RERE: variants seen among roughly 807,000 people sequenced by gnomAD.
RERE encodes the protein arginine-glutamic acid dipeptide repeats protein.
Under a neutral mutation model 146.1 loss-of-function variants are expected in RERE, and 40 were observed. The observed-to-expected ratio is 0.27, with a 90% CI of 0.21 to 0.36. The LOEUF (loss-of-function observed/expected upper bound fraction) is 0.36, where lower values mean the gene tolerates loss of function less well. Among genes scored for constraint, RERE ranks in the 10% least tolerant of loss-of-function variants. The pLI is 1.00. For synonymous variants in RERE, 1,003 were observed against 866.0 expected, an observed-to-expected ratio of 1.16 and a Z score of -2.78; for missense variants, 1,933 against 2,138.7, an observed-to-expected ratio of 0.90 and a Z score of 1.90.
At chr1:8,608,674 A>C (rs566651296) in intron 4 of RERE, among the ~76,000 whole-genome samples, 16 of 152,400 alleles carry the variant, frequency 1.0e-4, no homozygotes, top group Admixed American at 3.3e-4. Context: ...TGGAAACAAA[A>C]AGGCATTTAA....
chr1:8,510,561 C>A (rs190775195), intron 7 of RERE, among the ~76,000 whole-genome samples: 1 of 152,324 alleles, frequency 6.6e-6, no homozygotes, highest in East Asian at 1.9e-4. Flanking sequence ...GGAATCAAAT[C>A]AGCCACAAGT....
At chr1:8,647,643 G>GTA (rs1647385140) in intron 2 of RERE, among the ~76,000 whole-genome samples, 2 of 12,236 alleles carry the variant, frequency 1.6e-4, no homozygotes, top group Non-Finnish European at 5.0e-4. Flanking sequence ...AAATATGTAT[G>GTA]TGTGTGTGTG....
At chr1:8,445,125 G>T (rs1348647708) in intron 11 of RERE, among the ~76,000 whole-genome samples, 1 of 152,148 alleles carries the variant, frequency 6.6e-6, no homozygotes, top group African/African-American at 2.4e-5. Flanking sequence ...GCTTCATAGG[G>T]ATAAAATATT....
chr1:8,542,926 G>A (rs1645816610), intron 6 of RERE, among the ~76,000 whole-genome samples: 1 of 152,138 alleles, frequency 6.6e-6, no homozygotes, highest in Non-Finnish European at 1.5e-5. Context: ...AAGTATTCCA[G>A]GGTTACTGAG....
At chr1:8,761,920 C>G (rs1293018359) in intron 1 of RERE, among the ~76,000 whole-genome samples, 4 of 151,862 alleles carry the variant, frequency 2.6e-5, no homozygotes, top group Non-Finnish European at 4.4e-5. Context: ...GAAACTCTGT[C>G]TCAAAAAAAA....
intron 4 of RERE, among the ~76,000 whole-genome samples, chr1:8,592,354 C>T (rs1045862406): frequency 1.3e-5 from 2 of 152,052 alleles, no homozygotes; most frequent in South Asian, 4.1e-4. Flanking sequence ...ACTGCAGTCT[C>T]GACCTCCCCA....
intron 1 of RERE, among the ~76,000 whole-genome samples, chr1:8,679,808 C>CT (rs1382165317): frequency 6.6e-6 from 1 of 152,174 alleles, no homozygotes; most frequent in Admixed American, 6.5e-5. Flanking sequence ...TTTTCAATCA[C>CT]TTATTTTTCA....
chr1:8,564,884 A>ATAT, intron 4 of RERE, among the ~76,000 whole-genome samples: 2 of 122,564 alleles, frequency 1.6e-5, no homozygotes, highest in Non-Finnish European at 3.7e-5. Flanking sequence ...ATATATATAT[A>ATAT]AAACTACTAT....
intron 3 of RERE, among the ~76,000 whole-genome samples, chr1:8,622,501 A>AC (rs1373440182): frequency 7.4e-6 from 1 of 135,734 alleles, no homozygotes; most frequent in Non-Finnish European, 1.6e-5. Flanking sequence ...AAAAAAAAAA[A>AC]AAAAAAAAAA....
chr1:8,785,372 T>C (rs1025600342), intron 1 of RERE, among the ~76,000 whole-genome samples: 1 of 152,210 alleles, frequency 6.6e-6, no homozygotes, highest in African/African-American at 2.4e-5. Context: ...GAATTCAGCA[T>C]ATTACTTATC....
At chr1:8,537,137 G>A (rs1224268910) in intron 7 of RERE, among the ~76,000 whole-genome samples, 1 of 152,164 alleles carries the variant, frequency 6.6e-6, no homozygotes, top group Non-Finnish European at 1.5e-5. Context: ...CAGGTAAGTT[G>A]AGGCTGTGGT....
chr1:8,539,193 G>C (rs1461324572), intron 7 of RERE, among the ~76,000 whole-genome samples: 1 of 152,158 alleles, frequency 6.6e-6, no homozygotes, highest in Non-Finnish European at 1.5e-5. Flanking sequence ...TGTATCTAGA[G>C]AGAAATCCAA....
chr1:8,374,787 G>A (rs762502418), intron 12 of RERE, among the ~76,000 whole-genome samples: 3 of 152,116 alleles, frequency 2.0e-5, no homozygotes, highest in Non-Finnish European at 4.4e-5. Flanking sequence ...CCCGCCTCAC[G>A]GCCTTTGGCT....
chr1:8,791,055 C>G (rs1333954174), intron 1 of RERE, among the ~76,000 whole-genome samples: 1 of 152,158 alleles, frequency 6.6e-6, no homozygotes. Flanking sequence ...GACAACAAAA[C>G]ATACAGAAAG....
chr1:8,701,287 T>TAC (rs745905637), intron 1 of RERE, among the ~76,000 whole-genome samples: 10,868 of 93,570 alleles, frequency 0.12, 503 homozygotes, highest in Middle Eastern at 0.15. Flanking sequence ...GTGAGGGGAA[T>TAC]ACACACACAC....
intron 4 of RERE, among the ~76,000 whole-genome samples, chr1:8,582,356 G>A (rs1381302881): frequency 6.6e-6 from 1 of 150,980 alleles, no homozygotes. Context: ...GGGACTATAG[G>A]TGTGTATCAC....
chr1:8,398,812 C>T (rs1643146954), intron 12 of RERE, among the ~76,000 whole-genome samples: 1 of 152,170 alleles, frequency 6.6e-6, no homozygotes, highest in Admixed American at 6.5e-5. Flanking sequence ...GCTATTTTTA[C>T]AGGTATCTGT....
rs1170668612 is a variant in RERE, at chr1:8,544,905, T to C, written c.726-3587A>G. Among the ~76,000 whole-genome samples, 5 of 152,160 alleles carry C rather than the reference T, an allele frequency of 3.3e-5. No homozygotes were observed. In the East Asian group the frequency reaches 9.6e-4, roughly 29 times the overall value. On this transcript the variant is annotated intron_variant, in intron 6 of 22. Coordinates refer to ENST00000400908, the MANE Select transcript of RERE (RefSeq NM_001042681.2). Reference sequence around the variant, plus strand: ...CCATAACCAGGTAAGGCCACCAGGATTGGCTCTGACTGGGTGGCACCCATT... The same window carrying C: ...CCATAACCAGGTAAGGCCACCAGGACTGGCTCTGACTGGGTGGCACCCATT...
rs34455445 is a variant in RERE, at chr1:8,601,017, C to CTTTTTT, written c.522+13538_522+13543dup. ...GATCCGCCTGCCTCGGTCTCCCAAA[C>CTTTTTT]TTTTTTTTTTTTTTTTTTTTGAGAC... On this transcript the variant is annotated intron_variant, in intron 4 of 22. Transcript: ENST00000400908. Among the ~76,000 whole-genome samples the CTTTTTT allele has an allele frequency of 8.3e-3, 785 of 95,036 alleles. 45 individuals are homozygous for CTTTTTT. Among genetic ancestry groups the CTTTTTT allele is most frequent in the Middle Eastern group, 0.033 (4 of 120 alleles). The allele number at this position is 95,036 out of a possible 152,430, so 62.3% of individuals were successfully genotyped here. A position where few individuals can be genotyped will look rare whatever the true frequency, so the allele number is the denominator to read the frequency against.
Sources: gnomAD v4.1 joint callset for allele counts (sites outside exome capture counted in the v4.1 genomes callset) on GRCh38, gnomAD v4.1.1 for gene constraint, MANE v1.5 for transcripts, NCBI Gene and HGNC (gene_info 2026-07-23, HGNC 2026-07-21) for gene names.